Variants in RBFOX1 observed in about 807,000 individuals in gnomAD.
The protein encoded by RBFOX1 is RNA binding fox-1 homolog 1, also known as RNA binding protein fox-1 homolog 1.
A neutral mutation model predicts 57.7 loss-of-function variants in RBFOX1; 8 were observed. That is an observed-to-expected ratio of 0.14 (90% CI 0.08 to 0.25). The LOEUF is 0.25. RBFOX1 is among the 10% of genes least tolerant of loss of function. The pLI is 1.00. For synonymous variants in RBFOX1, 326 were observed against 222.4 expected (o/e 1.47, Z -4.15); for missense variants, 611 against 548.5 (o/e 1.11, Z -1.14).
At chr16:6,951,063 G>A (rs949461248) in intron 3 of RBFOX1, among the ~76,000 whole-genome samples, 27 of 151,864 alleles carry the variant, frequency 1.8e-4, no homozygotes, top group Admixed American at 9.9e-4. Flanking sequence ...GTATCACCAT[G>A]CCCAGCAATT....
intron 4 of RBFOX1, among the ~76,000 whole-genome samples, chr16:5,966,598 C>A (rs552215203): frequency 1.3e-5 from 2 of 152,298 alleles, no homozygotes; most frequent in South Asian, 4.1e-4. Context: ...GGGATTACAG[C>A]ACCTTCCACC....
intron 3 of RBFOX1, among the ~76,000 whole-genome samples, chr16:7,042,207 A>G (rs1156791726): frequency 6.6e-6 from 1 of 152,242 alleles, no homozygotes; most frequent in African/African-American, 2.4e-5. Context: ...GAGAAACACA[A>G]GTGTGTAAAC....
intron 1 of RBFOX1, among the ~76,000 whole-genome samples, chr16:5,423,119 G>T (rs532953963): frequency 6.2e-4 from 92 of 148,658 alleles, no homozygotes; most frequent in Non-Finnish European, 1.1e-3. Context: ...GGGAGGAAGG[G>T]GAGGGAGGAG....
chr16:7,364,974 A>G (rs566333640), intron 4 of RBFOX1, among the ~76,000 whole-genome samples: 7 of 152,312 alleles, frequency 4.6e-5, no homozygotes, highest in East Asian at 3.9e-4. Flanking sequence ...GAGACCTACA[A>G]TGATCAGATG....
Position 7,711,639 on chromosome 16 carries a change from A to T in RBFOX1, c.*894A>T, listed in dbSNP as rs906265018. ...CAAAAAAAGAAAGTAATAAAAACTT[A>T]AATTCTTTGTACCAGTTAAAAAAAA... On this transcript the variant is annotated 3_prime_UTR_variant, in exon 16 of 16. Coordinates refer to ENST00000550418, the MANE Select transcript of RBFOX1 (RefSeq NM_018723.4). 2.0e-5 allele frequency: 3 copies of T among 152,580 alleles called. No homozygotes were observed. The highest frequency in any genetic ancestry group is 7.2e-5 in the African/African-American group (3 of 41,428). The allele number at this position is 152,580 out of a possible 1,614,324, so 9.5% of individuals were successfully genotyped here.
At chr16:5,673,200 G>A (rs1244997461) in intron 3 of RBFOX1, among the ~76,000 whole-genome samples, 1 of 152,014 alleles carries the variant, frequency 6.6e-6, no homozygotes, top group Non-Finnish European at 1.5e-5. Flanking sequence ...TATATTTAGA[G>A]CTCATTATTC....
chr16:7,639,078 C>T lies in RBFOX1; in HGVS notation c.757+8395C>T, dbSNP rs369699145. On this transcript the variant is annotated intron_variant, in intron 11 of 15. Coordinates refer to ENST00000550418, the MANE Select transcript of RBFOX1 (RefSeq NM_018723.4). ...CTTGATTTAAATGATACAAAATGAT[C>T]TTGACTTAAATTTGATCAAGATACA... 2.8e-4 allele frequency among the ~76,000 whole-genome samples: 43 copies of T among 152,212 alleles called. No individual in the cohort carries two copies. In the South Asian group the frequency reaches 7.3e-3, roughly 26 times the overall value.
In RBFOX1 at chr16:6,590,835, A is replaced by C. The variant is rs547873216; in HGVS notation, c.-63-63768A>C. Among the ~76,000 whole-genome samples the C allele has an allele frequency of 1.4e-3, 56 of 39,042 alleles. No individual in the cohort carries two copies. The South Asian group carries it at 0.042, about 29-fold the overall frequency. 25.6% of individuals were successfully genotyped at this position (39,042 alleles called of 152,430 possible). A position where few individuals can be genotyped will look rare whatever the true frequency, so the allele number is the denominator to read the frequency against. On this transcript the variant is annotated intron_variant, in intron 2 of 15. Transcript: ENST00000550418. ...CATGGACAGCTCTGTCATATTGGCA[A>C]GTGCGTTTGACATGCAAGAATTGTA...
intron 4 of RBFOX1, among the ~76,000 whole-genome samples, chr16:7,478,586 G>C (rs553350576): frequency 6.6e-6 from 1 of 152,320 alleles, no homozygotes; most frequent in Non-Finnish European, 1.5e-5. Context: ...CTCACAGTGA[G>C]ATGATTTCTG....
rs544545429 is a variant in RBFOX1 at position 5,825,857 on chromosome 16, A to G, written c.319-41446A>G. On this transcript the variant is annotated intron_variant, in intron 3 of 19. Transcript: ENST00000641259. ...TGAATAAGGAATAATATTCCGTAAT[A>G]TGAATAAGGAATAATATTCCGTAAT... Among the ~76,000 whole-genome samples the G allele has an allele frequency of 1.7e-3, 219 of 130,396 alleles. 2 individuals carry two copies. The highest frequency in any genetic ancestry group is 9.2e-3 in the Admixed American group (113 of 12,282). The allele number at this position is 130,396 out of a possible 152,430, so 85.5% of individuals were successfully genotyped here.
At chr16:7,205,381 G>A (rs1052833291) in intron 4 of RBFOX1, among the ~76,000 whole-genome samples, 3 of 151,940 alleles carry the variant, frequency 2.0e-5, no homozygotes, top group Non-Finnish European at 2.9e-5. Flanking sequence ...AGCTGGGTGT[G>A]GTGGTGCTCT....
intron 4 of RBFOX1, among the ~76,000 whole-genome samples, chr16:5,916,463 G>A (rs933883036): frequency 6.6e-6 from 1 of 152,046 alleles, no homozygotes; most frequent in Admixed American, 6.5e-5. Flanking sequence ...AAAGGCCTCT[G>A]CTTGACCATT....
intron 2 of RBFOX1, among the ~76,000 whole-genome samples, chr16:6,512,778 G>T (rs2096280817): frequency 6.6e-6 from 1 of 152,180 alleles, no homozygotes; most frequent in Non-Finnish European, 1.5e-5. Context: ...GGAGCAAGAG[G>T]ATGGAGTAGT....
intron 4 of RBFOX1, among the ~76,000 whole-genome samples, chr16:7,217,055 C>G (rs1444793782): frequency 4.4e-5 from 5 of 114,686 alleles, no homozygotes; most frequent in Non-Finnish European, 1.7e-5. Context: ...CTCCCTCCCT[C>G]TCTCTCCCTC....
At position 6,224,253 on chromosome 16, in the gene RBFOX1, G is replaced by C. The variant is rs568122242; in HGVS notation, c.-126-92742G>C. ...TCCAATTCTGTGAAGAAAGTCATTG[G>C]TAGCTTGATGGGGATGGCATTGAAT... On this transcript the variant is annotated intron_variant, in intron 1 of 15. Transcript: ENST00000550418. 3.9e-5 allele frequency among the ~76,000 whole-genome samples: 6 copies of C among 152,090 alleles called. No homozygotes were observed. The East Asian group carries it at 7.7e-4, about 20-fold the overall frequency.
chr16:7,134,134 A>G (rs1034258519), intron 4 of RBFOX1, among the ~76,000 whole-genome samples: 1 of 152,220 alleles, frequency 6.6e-6, no homozygotes, highest in Non-Finnish European at 1.5e-5. Context: ...AATAGCGATC[A>G]TAAAAACGGT....
chr16:5,828,191 C>G (rs936931059), intron 3 of RBFOX1, among the ~76,000 whole-genome samples: 2 of 152,046 alleles, frequency 1.3e-5, no homozygotes, highest in African/African-American at 4.8e-5. Flanking sequence ...TTCCATGTAT[C>G]TGTCCGCTCA....
At chr16:6,454,062 G>C (rs140040732) in intron 2 of RBFOX1, among the ~76,000 whole-genome samples, 69 of 152,290 alleles carry the variant, frequency 4.5e-4, no homozygotes, top group South Asian at 4.4e-3. Context: ...TTCTGTGTCT[G>C]TGTCTTTGTC....
At chr16:5,611,796 A>ACCCC (rs2047818917) in intron 3 of RBFOX1, among the ~76,000 whole-genome samples, 2 of 26,264 alleles carry the variant, frequency 7.6e-5, no homozygotes, top group Admixed American at 4.3e-4. Flanking sequence ...CCATCCATCC[A>ACCCC]CCCACCCACC....
Sources: allele counts gnomAD v4.1 joint callset (sites outside exome capture counted in the v4.1 genomes callset), GRCh38; gene constraint gnomAD v4.1.1; transcripts MANE v1.5; gene names NCBI Gene and HGNC (gene_info 2026-07-23, HGNC 2026-07-21).